CFAP221: variants seen among roughly 807,000 people sequenced by gnomAD.
The protein encoded by CFAP221 is cilia and flagella associated protein 221.
Under a neutral mutation model 113.1 loss-of-function variants are expected in CFAP221, and 97 were observed. The observed-to-expected ratio is 0.86, with a 90% CI of 0.73 to 1.02. The LOEUF (loss-of-function observed/expected upper bound fraction) is 1.02, where lower values mean the gene tolerates loss of function less well. Ranked by LOEUF, CFAP221 falls within the 50% of genes least tolerant of loss-of-function variation. The probability of loss-of-function intolerance (pLI) is 0.00; values close to 1 mark genes in which losing one functional copy is unlikely to be tolerated. For missense variants in CFAP221, 1,025 were observed against 1,013.4 expected, an observed-to-expected ratio of 1.01 and a Z score of -0.16; for synonymous variants, 331 against 354.4, an observed-to-expected ratio of 0.93 and a Z score of 0.74.
At chr2:119,647,375 G>T (rs957794907) in intron 22 of CFAP221, among the ~76,000 whole-genome samples, 10 of 152,162 alleles carry the variant, frequency 6.6e-5, no homozygotes, top group African/African-American at 2.4e-4. Context: ...GGTAGGACTT[G>T]GATGGGCATA....
At chr2:119,582,491 T>C (rs145409843) in intron 6 of CFAP221, among the ~76,000 whole-genome samples, 1,860 of 151,520 alleles carry the variant, frequency 0.012, 18 homozygotes, top group Non-Finnish European at 0.022. Flanking sequence ...GCCTGTGCTC[T>C]GTCACCCAGG....
chr2:119,561,398 G>A (rs1681236117), intron 5 of CFAP221, among the ~76,000 whole-genome samples: 1 of 152,164 alleles, frequency 6.6e-6, no homozygotes, highest in African/African-American at 2.4e-5. Context: ...AAAATGCCAG[G>A]ACACATTTCC....
rs192164398 is a variant in CFAP221 at position 119,570,987 on chromosome 2, T to C, written c.527+8873T>C. Among the ~76,000 whole-genome samples the C allele has an allele frequency of 5.9e-4, 90 of 152,292 alleles. 1 individual carries two copies. Among genetic ancestry groups the C allele is most frequent in the African/African-American group, 1.9e-3 (80 of 41,562 alleles). On this transcript the variant is annotated intron_variant, in intron 6 of 23. Coordinates refer to ENST00000413369, the MANE Select transcript of CFAP221 (RefSeq NM_001271049.2). ...TTGCAAAGTGGCTGTACCATTTACA[T>C]TTCCACCAGCAATGTATGAAGGTGG...
intron 21 of CFAP221, among the ~76,000 whole-genome samples, chr2:119,646,362 G>A (rs984609334): frequency 6.6e-5 from 10 of 152,224 alleles, no homozygotes; most frequent in South Asian, 2.1e-4. Context: ...TGGCTTCTGC[G>A]GAGGCCTCTG....
downstream of CFAP221, among the ~76,000 whole-genome samples, chr2:119,659,468 C>T (rs531480899): frequency 4.5e-4 from 10 of 22,454 alleles, no homozygotes; most frequent in Non-Finnish European, 1.2e-3. Context: ...TACGATGGCT[C>T]TAAATACAAA....
intron 21 of CFAP221, among the ~76,000 whole-genome samples, chr2:119,643,477 A>G (rs1463403897): frequency 6.6e-6 from 1 of 152,204 alleles, no homozygotes; most frequent in Non-Finnish European, 1.5e-5. Context: ...GATGAGTGAA[A>G]TGTCCAGAAG....
At chr2:119,643,851 T>A (rs13004936) in intron 21 of CFAP221, among the ~76,000 whole-genome samples, 107,718 of 151,778 alleles carry the variant, frequency 0.71, 40,474 homozygotes, top group South Asian at 0.84. Context: ...GGCCAGGACA[T>A]TAAAATTAAA....
At chr2:119,641,487 A>G (rs973798487) in intron 21 of CFAP221, among the ~76,000 whole-genome samples, 2 of 152,194 alleles carry the variant, frequency 1.3e-5, no homozygotes, top group African/African-American at 4.8e-5. Flanking sequence ...TTGGCATGGG[A>G]GAGACCTGCC....
chr2:119,604,756 C>T lies in CFAP221; in HGVS notation c.876C>T (p.His292=). Residue 292 remains histidine (H), a synonymous_variant, in exon 9 of 24, where the codon CAC becomes CAT. Coordinates refer to ENST00000413369, the MANE Select transcript of CFAP221 (RefSeq NM_001271049.2). The part of the protein sequence containing the change: ...PEKAMMHINF[H]RPPAKPKPQK... The stretch of plus-strand genomic sequence containing the variant: ...AAGCAATGATGCATATAAATTTTCA[C>T]CGACCGCCAGCGAAGCCGAAGCCTC... 1 of 1,544,368 alleles carries T rather than the reference C, an allele frequency of 6.5e-7. No individual in the cohort carries two copies. Among genetic ancestry groups the T allele is most frequent in the Non-Finnish European group, 8.7e-7 (1 of 1,149,694 alleles).
intron 6 of CFAP221, among the ~76,000 whole-genome samples, chr2:119,569,410 A>G (rs1681884643): frequency 6.6e-6 from 1 of 151,768 alleles, no homozygotes; most frequent in Non-Finnish European, 1.5e-5. Flanking sequence ...GAGCCACCGC[A>G]CCGGCCTTCT....
intron 7 of CFAP221, among the ~76,000 whole-genome samples, chr2:119,588,865 C>T (rs990200381): frequency 6.6e-6 from 1 of 152,102 alleles, no homozygotes; most frequent in Admixed American, 6.5e-5. Context: ...GGACTGGACA[C>T]GAGGTCACCT....
intron 14 of CFAP221, 89 bp downstream of exon 14, chr2:119,615,798 G>A: frequency 2.1e-6 from 2 of 941,074 alleles, no homozygotes; most frequent in South Asian, 1.7e-5. Context: ...CACCTTTATT[G>A]AGATACAATT....
chr2:119,562,253 C>CA (rs10628972), intron 6 of CFAP221, 139 bp downstream of exon 6: 3,864 of 272,834 alleles, frequency 0.014, 6 homozygotes, highest in South Asian at 0.029. Context: ...TTGTAAAAGG[C>CA]AAAAAAAAAA....
intron 3 of CFAP221, among the ~76,000 whole-genome samples, chr2:119,558,857 A>C (rs1036601320): frequency 3.9e-5 from 6 of 152,082 alleles, no homozygotes; most frequent in South Asian, 2.1e-4. Context: ...ACAACAACAA[A>C]AAAACACAGG....
intron 3 of CFAP221, among the ~76,000 whole-genome samples, chr2:119,549,390 C>G (rs552420461): frequency 6.6e-6 from 1 of 152,288 alleles, no homozygotes; most frequent in East Asian, 1.9e-4. Flanking sequence ...AAAGGCTCCC[C>G]TTGCACTCTT....
intron 6 of CFAP221, chr2:119,573,079 A>G (rs762963615): frequency 2.0e-4 from 31 of 154,168 alleles, no homozygotes; most frequent in Admixed American, 1.7e-3. Flanking sequence ...AGCTTAAAGC[A>G]TCTGGGCCAC....
chr2:119,580,947 C>A (rs756954066), intron 6 of CFAP221: 13 of 152,538 alleles, frequency 8.5e-5, no homozygotes, highest in Non-Finnish European at 1.6e-4. Context: ...GACCTGTTGC[C>A]TGGGCCTGGG....
In CFAP221 at chr2:119,604,768, G is replaced by A. The variant is rs145294935; in HGVS notation, c.888G>A (p.Ala296=). Residue 296 remains alanine, a synonymous_variant, in exon 9 of 24, where the codon GCG becomes GCA. Coordinates refer to ENST00000413369, the MANE Select transcript of CFAP221 (RefSeq NM_001271049.2). The stretch of plus-strand genomic sequence containing the variant: ...ATATAAATTTTCACCGACCGCCAGC[G>A]AAGCCGAAGCCTCAGAAGGTGAAGG... The part of the protein sequence containing the change: ...MMHINFHRPP[A]KPKPQKVKEI... The A allele has an allele frequency of 2.0e-4, 311 of 1,543,124 alleles. No individual in the cohort carries two copies. The African/African-American group carries it at 3.8e-3, about 19-fold the overall frequency.
intron 7 of CFAP221, chr2:119,590,192 A>T (rs1343076921): frequency 6.6e-6 from 1 of 152,206 alleles, no homozygotes; most frequent in Non-Finnish European, 1.5e-5. Flanking sequence ...TCTTATATAA[A>T]GTTTCAATAA....
Sources: allele counts gnomAD v4.1 joint callset (sites outside exome capture counted in the v4.1 genomes callset), GRCh38; gene constraint gnomAD v4.1.1; transcripts MANE v1.5; gene names NCBI Gene and HGNC (gene_info 2026-07-23, HGNC 2026-07-21).